Variants in SNTG1 observed in about 807,000 individuals in gnomAD.
SNTG1 encodes the protein gamma-1-syntrophin.
A neutral mutation model predicts 74.7 loss-of-function variants in SNTG1; 39 were observed. The observed-to-expected ratio is 0.52, with a 90% CI of 0.40 to 0.68. SNTG1 has a LOEUF of 0.68. SNTG1 is among the 30% of genes least tolerant of loss of function. SNTG1 has a pLI of 0.00. For synonymous variants in SNTG1, 254 were observed against 217.1 expected, an observed-to-expected ratio of 1.17 and a Z score of -1.49; for missense variants, 685 against 609.5, an observed-to-expected ratio of 1.12 and a Z score of -1.30.
At chr8:50,667,104 A>G (rs1341012487) in intron 15 of SNTG1, among the ~76,000 whole-genome samples, 3 of 151,996 alleles carry the variant, frequency 2.0e-5, no homozygotes, top group African/African-American at 7.2e-5. Context: ...ATACACATAA[A>G]TTAAGGTATA....
At chr8:50,491,224 T>A (rs2093850142) in intron 8 of SNTG1, 1 of 152,284 alleles carries the variant, frequency 6.6e-6, no homozygotes, top group South Asian at 2.1e-4. Flanking sequence ...AACAATTCAG[T>A]ATTTTGAATC....
chr8:50,674,668 A>T (rs979018853), intron 15 of SNTG1, among the ~76,000 whole-genome samples: 1 of 151,808 alleles, frequency 6.6e-6, no homozygotes, highest in East Asian at 1.9e-4. Flanking sequence ...ATCTCCTTCA[A>T]TTCTGCTCTG....
At chr8:50,323,646 C>A (rs2090617657) in intron 2 of SNTG1, among the ~76,000 whole-genome samples, 1 of 152,274 alleles carries the variant, frequency 6.6e-6, no homozygotes, top group South Asian at 2.1e-4. Flanking sequence ...CAAGCAGAGT[C>A]TCTTTCTCCC....
rs552689926 is a variant in SNTG1 at position 50,659,159 on chromosome 8, A to G, written c.1038+496A>G. Among the ~76,000 whole-genome samples, 141 of 152,300 alleles carry G rather than the reference A, an allele frequency of 9.3e-4. 2 individuals carry two copies. Among genetic ancestry groups the G allele is most frequent in the Middle Eastern group, 3.4e-3 (1 of 294 alleles). ...GCTTGACCATCTTTTTGCATATGTA[A>G]AAGAACATTCGATTGTCATATATCA... On this transcript the variant is annotated intron_variant, in intron 15 of 18. Coordinates refer to ENST00000642720, the MANE Select transcript of SNTG1 (RefSeq NM_018967.5).
At chr8:50,264,065 T>G (rs558840929) in intron 2 of SNTG1, among the ~76,000 whole-genome samples, 1 of 152,142 alleles carries the variant, frequency 6.6e-6, no homozygotes, top group South Asian at 2.1e-4. Flanking sequence ...AATTAAACAT[T>G]AAGCATTCTC....
At chr8:50,142,826 C>A (rs1046177195) in intron 1 of SNTG1, among the ~76,000 whole-genome samples, 5 of 152,244 alleles carry the variant, frequency 3.3e-5, no homozygotes, top group African/African-American at 9.6e-5. Context: ...AATCCCAACA[C>A]TTTGGGAGGC....
intron 2 of SNTG1, among the ~76,000 whole-genome samples, chr8:50,202,745 ATTCCCTC>A (rs2082373897): frequency 1.3e-5 from 2 of 150,634 alleles, no homozygotes; most frequent in African/African-American, 4.9e-5. Flanking sequence ...AAAGGTAAGC[ATTCCCTC>A]ACCTCCCATT....
At chr8:49,969,530 G>C (rs1222474841) in intron 1 of SNTG1, among the ~76,000 whole-genome samples, 1 of 151,074 alleles carries the variant, frequency 6.6e-6, no homozygotes, top group Non-Finnish European at 1.5e-5. Flanking sequence ...CCAAGTAACT[G>C]GGATTACAGG....
chr8:50,004,106 G>T (rs1227445878), intron 1 of SNTG1, among the ~76,000 whole-genome samples: 1 of 152,090 alleles, frequency 6.6e-6, no homozygotes, highest in Non-Finnish European at 1.5e-5. Context: ...TAGTGTCCTT[G>T]TGCCTGAGTT....
chr8:50,597,362 C>CATAT (rs775134720), intron 13 of SNTG1, among the ~76,000 whole-genome samples: 3,944 of 124,422 alleles, frequency 0.032, 115 homozygotes, highest in Middle Eastern at 0.084. Flanking sequence ...TATATATACA[C>CATAT]ATATACATGT....
At chr8:50,447,786 T>A (rs1286465422) in intron 5 of SNTG1, among the ~76,000 whole-genome samples, 1 of 152,206 alleles carries the variant, frequency 6.6e-6, no homozygotes, top group Non-Finnish European at 1.5e-5. Context: ...TGTTAGACAC[T>A]GATAACTGTA....
At chr8:50,213,780 GT>G (rs1245087244) in intron 2 of SNTG1, among the ~76,000 whole-genome samples, 2 of 151,852 alleles carry the variant, frequency 1.3e-5, no homozygotes, top group African/African-American at 4.8e-5. Context: ...GGGGTTGTCT[GT>G]TTTTTTCTTG....
chr8:50,591,700 G>A (rs1320542348), intron 13 of SNTG1, among the ~76,000 whole-genome samples: 3 of 152,168 alleles, frequency 2.0e-5, no homozygotes, highest in Admixed American at 6.5e-5. Flanking sequence ...TATCATTAAT[G>A]ATGCTGCTAG....
rs1381048539 is a variant in SNTG1 at position 50,376,756 on chromosome 8, T to TATATATAGAGAGAGAGAG, written c.-27-17455_-27-17454insTATATAGAGAGAGAGAGA. ...ATATATATATATATATATATATATA[T>TATATATAGAGAGAGAGAG]AGAGAGAGAGAGAGAGAGAGAGAGA... On this transcript the variant is annotated intron_variant, in intron 2 of 18. Coordinates refer to ENST00000642720, the MANE Select transcript of SNTG1 (RefSeq NM_018967.5). 3.2e-3 allele frequency among the ~76,000 whole-genome samples: 289 copies of TATATATAGAGAGAGAGAG among 89,868 alleles called. 2 individuals carry two copies. Among genetic ancestry groups the TATATATAGAGAGAGAGAG allele is most frequent in the Non-Finnish European group, 4.6e-3 (203 of 44,588 alleles). 59.0% of individuals were successfully genotyped at this position (89,868 alleles called of 152,430 possible).
intron 1 of SNTG1, among the ~76,000 whole-genome samples, chr8:50,077,359 T>G (rs977025832): frequency 1.3e-5 from 2 of 152,184 alleles, no homozygotes; most frequent in Non-Finnish European, 2.9e-5. Flanking sequence ...TTTTCTAGTA[T>G]TATTATACAG....
intron 8 of SNTG1, among the ~76,000 whole-genome samples, chr8:50,473,977 TC>T (rs1482385936): frequency 1.3e-5 from 2 of 152,024 alleles, no homozygotes; most frequent in African/African-American, 2.4e-5. Flanking sequence ...TTTTTTTTTT[TC>T]TTTTCCCCAC....
intron 1 of SNTG1, among the ~76,000 whole-genome samples, chr8:50,048,597 T>C (rs1320877506): frequency 6.6e-6 from 1 of 152,170 alleles, no homozygotes; most frequent in Non-Finnish European, 1.5e-5. Flanking sequence ...AGGTGTCAGC[T>C]CCTAATGAAC....
intron 2 of SNTG1, among the ~76,000 whole-genome samples, chr8:50,209,430 G>C (rs778519737): frequency 1.3e-5 from 2 of 152,136 alleles, no homozygotes; most frequent in South Asian, 4.1e-4. Context: ...TCCTCAAGTG[G>C]GTCCCTGACC....
chr8:50,404,988 T>C (rs2092853291), intron 4 of SNTG1, among the ~76,000 whole-genome samples: 1 of 152,108 alleles, frequency 6.6e-6, no homozygotes, highest in Non-Finnish European at 1.5e-5. Flanking sequence ...CAGAATTTCA[T>C]TCCCTTCAAA....
Sources: gnomAD v4.1 joint callset for allele counts (sites outside exome capture counted in the v4.1 genomes callset) on GRCh38, gnomAD v4.1.1 for gene constraint, MANE v1.5 for transcripts, NCBI Gene and HGNC (gene_info 2026-07-23, HGNC 2026-07-21) for gene names.